The following FGF8 variants were observed in gnomAD, a reference collection of about 807,000 sequenced individuals.
The protein encoded by FGF8 is androgen-induced growth factor.
A neutral mutation model predicts 29.7 loss-of-function variants in FGF8; 12 were observed. The observed-to-expected ratio is 0.40, with a 90% CI of 0.26 to 0.65. The LOEUF is 0.65. Ranked by LOEUF, FGF8 falls within the 30% of genes least tolerant of loss-of-function variation. The probability of loss-of-function intolerance (pLI) is 0.37; values close to 1 mark genes in which losing one functional copy is unlikely to be tolerated. For synonymous variants in FGF8, 157 were observed against 144.4 expected (o/e 1.09, Z -0.63); for missense variants, 271 against 345.1 (o/e 0.79, Z 1.70).
rs2065029425 is a variant in FGF8, at chr10:101,771,703, C to T, written c.338-134G>A. ...ATGGACTCCAGCTCCAGCCCAGCTACTAACATGCTGTGCAACCCAGAGAAA... is the reference window on the plus strand; with the variant it reads ...ATGGACTCCAGCTCCAGCCCAGCTATTAACATGCTGTGCAACCCAGAGAAA... On this transcript the variant is annotated intron_variant, in intron 4 of 5. Coordinates refer to ENST00000320185, the MANE Select transcript of FGF8 (RefSeq NM_033163.5). This position sits in a 1 kb window ranked among gnomAD's most constrained non-coding sequence, Gnocchi z 5.3. 5.4e-6 allele frequency: 4 copies of T among 741,732 alleles called. No homozygotes were observed. Among genetic ancestry groups the T allele is most frequent in the Middle Eastern group, 2.3e-4 (1 of 4,442 alleles). The allele number at this position is 741,732 out of a possible 1,614,324, so 45.9% of individuals were successfully genotyped here. A position where few individuals can be genotyped will look rare whatever the true frequency, so the allele number is the denominator to read the frequency against.
chr10:101,777,001 A>G (rs565653245), upstream of FGF8, among the ~76,000 whole-genome samples: 1 of 152,188 alleles, frequency 6.6e-6, no homozygotes, highest in South Asian at 2.1e-4. Context: ...CAGGGGCAAA[A>G]AAACTCTCAG....
chr10:101,771,610 G>A lies in FGF8; in HGVS notation c.338-41C>T, dbSNP rs751221004. The stretch of plus-strand genomic sequence containing the variant: ...GCAGGATGGCTATTGGCAGATCCCT[G>A]ACCCCAGCTGGCCCACACACTTGTC... On this transcript the variant is annotated intron_variant, in intron 4 of 5. Transcript: ENST00000320185. This position sits in a 1 kb window ranked among gnomAD's most constrained non-coding sequence, Gnocchi z 5.3. 4 of 1,520,122 alleles carry A rather than the reference G, an allele frequency of 2.6e-6. No homozygotes were observed. The highest frequency in any genetic ancestry group is 1.7e-4 in the Middle Eastern group (1 of 5,912). The allele number at this position is 1,520,122 out of a possible 1,614,324, so 94.2% of individuals were successfully genotyped here.
chr10:101,770,754 G>A (rs2065012757), intron 5 of FGF8, 135 bp from the exon 6 acceptor site: 1 of 926,766 alleles, frequency 1.1e-6, no homozygotes, highest in South Asian at 1.4e-5. Flanking sequence ...CCCCTGCCTG[G>A]GCACCCGCTC....
In FGF8 at chr10:101,775,741, T is replaced by A; in HGVS notation, c.68A>T (p.Gln23Leu). 6.5e-7 allele frequency: 1 copy of A among 1,543,958 alleles called. No homozygotes were observed. Among genetic ancestry groups the A allele is most frequent in the Non-Finnish European group, 8.7e-7 (1 of 1,145,156 alleles). The change falls in exon 2 of 6, where the codon CAG becomes CTG. Residue 23 changes from glutamine (Q) to leucine (L), a missense_variant and splice_region_variant. By Grantham distance (113) the Gln-to-Leu change is moderately radical. Coordinates refer to ENST00000320185, the MANE Select transcript of FGF8 (RefSeq NM_033163.5). This position sits in a 1 kb window ranked among gnomAD's most constrained non-coding sequence, Gnocchi z 4.6. Reference sequence around the variant, plus strand: ...CCGCCTCCGCGCACCCCTCCTCACCTGGGCTTGGAGGCAGAGGACCAGCAA... The same window carrying A: ...CCGCCTCCGCGCACCCCTCCTCACCAGGGCTTGGAGGCAGAGGACCAGCAA... The part of the protein sequence containing the change: ...LHLLVLCLQA[Q>L]EGPGRGPALG...
chr10:101,771,352 G>A lies in FGF8; in HGVS notation c.444+111C>T. On this transcript the variant is annotated intron_variant, in intron 5 of 5. Transcript: ENST00000320185. The surrounding 1 kb of genome is among the most constrained non-coding windows in gnomAD (Gnocchi z 5.3). The stretch of plus-strand genomic sequence containing the variant: ...GAGGTAACCCCAAGATGGCCCTGTG[G>A]CCTTCTGCCTACCTTGTTGGGATCA... The A allele has an allele frequency of 1.2e-6, 1 of 803,600 alleles. No homozygotes were observed. Among genetic ancestry groups the A allele is most frequent in the South Asian group, 1.4e-5 (1 of 72,368 alleles). The allele number at this position is 803,600 out of a possible 1,614,324, so 49.8% of individuals were successfully genotyped here.
chr10:101,773,587 C>A (rs2065051577), intron 4 of FGF8, among the ~76,000 whole-genome samples: 1 of 152,156 alleles, frequency 6.6e-6, no homozygotes, highest in Non-Finnish European at 1.5e-5. Flanking sequence ...TATTCTTCCA[C>A]CCCAGTGACA....
rs111621416 is a variant in FGF8, at chr10:101,774,600, G to A, written c.337+132C>T. ...TTCCCTAGCCCTCTCTTCCCCAGCT[G>A]ACCCTCAAGACACCTTTCTGCCTTA... On this transcript the variant is annotated intron_variant, in intron 4 of 5. Transcript: ENST00000320185. 122 of 739,298 alleles carry A rather than the reference G, an allele frequency of 1.7e-4. 1 individual carries two copies. The African/African-American group carries it at 1.8e-3, about 11-fold the overall frequency. 45.8% of individuals were successfully genotyped at this position (739,298 alleles called of 1,614,324 possible). A position where few individuals can be genotyped will look rare whatever the true frequency, so the allele number is the denominator to read the frequency against.
upstream of FGF8, among the ~76,000 whole-genome samples, chr10:101,779,482 G>T (rs1378222456): frequency 6.6e-6 from 1 of 152,230 alleles, no homozygotes; most frequent in Non-Finnish European, 1.5e-5. The surrounding 1 kb of genome is among the most constrained non-coding windows in gnomAD (Gnocchi z 5.7). Flanking sequence ...CGAGGAGAGA[G>T]GAATAAACCT....
At chr10:101,770,641 A>G (rs1345554421) in intron 5 of FGF8, 22 bp from the exon 6 acceptor site, 3 of 1,604,376 alleles carry the variant, frequency 1.9e-6, no homozygotes, top group Admixed American at 3.3e-5. Flanking sequence ...GGAGCCAGAC[A>G]CCACGTTACA....
upstream of FGF8, among the ~76,000 whole-genome samples, chr10:101,776,852 C>CA (rs1179618509): frequency 2.3e-5 from 2 of 85,414 alleles, no homozygotes; most frequent in Non-Finnish European, 4.7e-5. Context: ...CTGTGCCCCT[C>CA]ACCACACACA....
chr10:101,777,552 G>A (rs1314885557), upstream of FGF8, among the ~76,000 whole-genome samples: 1 of 152,224 alleles, frequency 6.6e-6, no homozygotes, highest in African/African-American at 2.4e-5. Flanking sequence ...ATGGAGAGAT[G>A]GGAAAACAGT....
Position 101,774,725 on chromosome 10 carries a change from G to C in FGF8, c.337+7C>G, listed in dbSNP as rs773498310. ...GCATCCCACAAGCTACCTTCAGCGC[G>C]CCTTACCGAAGGGGTCGCCGTCCTC... On this transcript the variant is annotated splice_region_variant and intron_variant, in intron 4 of 5. Transcript: ENST00000320185. 6.2e-7 allele frequency: 1 copy of C among 1,601,884 alleles called. No individual in the cohort carries two copies. The highest frequency in any genetic ancestry group is 8.5e-7 in the Non-Finnish European group (1 of 1,179,242).
In FGF8 at chr10:101,774,853, C is replaced by T. The variant is rs560812676; in HGVS notation, c.216G>A (p.Thr72=). Residue 72 remains threonine, a synonymous_variant, in exon 4 of 6, where the codon ACG becomes ACA. Transcript: ENST00000320185. The stretch of plus-strand genomic sequence containing the variant: ...GGATGAGGCGGCGGCTGAGCTGATC[C>T]GTCACCAGGCTCTGCTCCCTCACAT... The part of the protein sequence containing the change: ...TQHVREQSLV[T]DQLSRRLIRT... The T allele has an allele frequency of 3.5e-5, 57 of 1,613,904 alleles. No homozygotes were observed. Among genetic ancestry groups the T allele is most frequent in the African/African-American group, 5.3e-5 (4 of 74,960 alleles).
rs3218233 is a variant in FGF8, at chr10:101,773,203, G to A, written c.337+1529C>T. Among the ~76,000 whole-genome samples, 144 of 152,274 alleles carry A rather than the reference G, an allele frequency of 9.5e-4. 1 individual carries two copies. Among genetic ancestry groups the A allele is most frequent in the African/African-American group, 3.4e-3 (140 of 41,556 alleles). On this transcript the variant is annotated intron_variant, in intron 4 of 5. Coordinates refer to ENST00000320185, the MANE Select transcript of FGF8 (RefSeq NM_033163.5). ...TCTTATATGGCCACGGAGAGAAGTG[G>A]ACATCAGGCTTCCTCTGATGTCTGA...
In FGF8 at chr10:101,775,848, G is replaced by GGGGGGGGGT; in HGVS notation, c.32+20_32+21insACCCCCCCC. The GGGGGGGGGT allele has an allele frequency of 8.2e-7, 1 of 1,218,740 alleles. No homozygotes were observed. Among genetic ancestry groups the GGGGGGGGGT allele is most frequent in the South Asian group, 1.3e-5 (1 of 74,774 alleles). The allele number at this position is 1,218,740 out of a possible 1,614,324, so 75.5% of individuals were successfully genotyped here. On this transcript the variant is annotated intron_variant, in intron 1 of 5. Transcript: ENST00000320185. This position sits in a 1 kb window ranked among gnomAD's most constrained non-coding sequence, Gnocchi z 4.6. ...AGGGGCGCGGGGGGCGGGTGGCGGG[G>GGGGGGGGGT]CAGGGCGGCGCGGTACTCACAGGCA... is the stretch of plus-strand genomic sequence containing the variant.
At position 101,770,213 on chromosome 10, in the gene FGF8, C is replaced by T. The variant is rs1181157315; in HGVS notation, c.*116G>A. ...ATATCAACAACCGGAACCCAGGGCT[C>T]CCCCAGCACCTCCCCAGCCTGCAGA... On this transcript the variant is annotated 3_prime_UTR_variant, in exon 6 of 6. Transcript: ENST00000320185. 1.0e-6 allele frequency: 1 copy of T among 994,850 alleles called. No homozygotes were observed. The highest frequency in any genetic ancestry group is 3.0e-5 in the Admixed American group (1 of 33,490). 61.6% of individuals were successfully genotyped at this position (994,850 alleles called of 1,614,324 possible).
Position 101,770,141 on chromosome 10 carries a change from TAAAAAAAA to T in FGF8, c.*180_*187del. The T allele has an allele frequency of 5.1e-6, 2 of 392,436 alleles. No homozygotes were observed. Among genetic ancestry groups the T allele is most frequent in the Non-Finnish European group, 8.7e-6 (2 of 229,746 alleles). The allele number at this position is 392,436 out of a possible 1,614,324, so 24.3% of individuals were successfully genotyped here. A position where few individuals can be genotyped will look rare whatever the true frequency, so the allele number is the denominator to read the frequency against. On this transcript the variant is annotated 3_prime_UTR_variant, in exon 6 of 6. Coordinates refer to ENST00000320185, the MANE Select transcript of FGF8 (RefSeq NM_033163.5). ...CAAAAATAGAGCCTCTCTTTTGTTT[TAAAAAAAA>T]AAAAAAAAAAAAAAACAGCAAAAAC...
At chr10:101,779,744 A>G (rs2065128325), upstream of FGF8, among the ~76,000 whole-genome samples, 1 of 152,108 alleles carries the variant, frequency 6.6e-6, no homozygotes, top group Non-Finnish European at 1.5e-5. This position sits in a 1 kb window ranked among gnomAD's most constrained non-coding sequence, Gnocchi z 5.7. Context: ...CCCAGGAGAG[A>G]GGACTCAGCC....
rs1358287515 is a variant in FGF8, at chr10:101,770,127, C to A, written c.*202G>T. The A allele has an allele frequency of 1.3e-5, 7 of 530,014 alleles. No individual in the cohort carries two copies. Among genetic ancestry groups the A allele is most frequent in the East Asian group, 3.0e-5 (1 of 32,864 alleles). The allele number at this position is 530,014 out of a possible 1,614,324, so 32.8% of individuals were successfully genotyped here. ...AGCCAAGTGGAATACAAAAATAGAG[C>A]CTCTCTTTTGTTTTAAAAAAAAAAA... On this transcript the variant is annotated 3_prime_UTR_variant, in exon 6 of 6. Transcript: ENST00000320185.
Sources: allele counts gnomAD v4.1 joint callset (sites outside exome capture counted in the v4.1 genomes callset), GRCh38; gene constraint gnomAD v4.1.1; non-coding constraint Gnocchi (gnomAD v3.1); transcripts MANE v1.5; gene names NCBI Gene and HGNC (gene_info 2026-07-23, HGNC 2026-07-21).